Variants in LRFN5 observed in about 807,000 individuals in gnomAD.
LRFN5 encodes leucine rich repeat and fibronectin type III domain containing 5, also known as leucine-rich repeat and fibronectin type-III domain-containing protein 5.
LRFN5 carries 24 observed loss-of-function variants against 45.6 expected under a neutral mutation model. That is an observed-to-expected ratio of 0.53 (90% CI 0.38 to 0.74). The LOEUF (loss-of-function observed/expected upper bound fraction) is 0.74, where lower values mean the gene tolerates loss of function less well. Among genes scored for constraint, LRFN5 ranks in the 30% least tolerant of loss-of-function variants. The pLI is 0.00. For synonymous variants in LRFN5, 340 were observed against 313.8 expected (o/e 1.08, Z -0.88); for missense variants, 776 against 861.5 (o/e 0.90, Z 1.24).
intron 5 of LRFN5, among the ~76,000 whole-genome samples, chr14:41,902,258 A>G (rs1891125142): frequency 6.6e-6 from 1 of 151,936 alleles, no homozygotes; most frequent in African/African-American, 2.4e-5. Flanking sequence ...ACAATAACCA[A>G]AACATCCTAA....
At chr14:41,610,254 T>TCTC (rs1887693766) in intron 1 of LRFN5, 1 of 151,984 alleles carries the variant, frequency 6.6e-6, no homozygotes, top group South Asian at 2.1e-4. Flanking sequence ...AAAACCTTTC[T>TCTC]CTCTCTCTCC....
intron 1 of LRFN5, among the ~76,000 whole-genome samples, chr14:41,674,311 G>A (rs1259904839): frequency 3.0e-5 from 4 of 134,548 alleles, no homozygotes; most frequent in South Asian, 2.5e-4. Context: ...CGGACGGGGC[G>A]GCTGGCCGGG....
At chr14:41,891,984 C>T (rs1890802701) in intron 4 of LRFN5, 22 bp downstream of exon 4, 1 of 1,604,198 alleles carries the variant, frequency 6.2e-7, no homozygotes, top group Non-Finnish European at 8.5e-7. Context: ...ACTTTGCCTG[C>T]TGAGAGATCC....
At chr14:41,726,492 T>G (rs1810904110) in intron 1 of LRFN5, among the ~76,000 whole-genome samples, 1 of 152,188 alleles carries the variant, frequency 6.6e-6, no homozygotes, top group Non-Finnish European at 1.5e-5. Flanking sequence ...AAATAATGTT[T>G]ATAATGCCTG....
intron 1 of LRFN5, among the ~76,000 whole-genome samples, chr14:41,684,132 T>C (rs1594613845): frequency 6.6e-6 from 1 of 152,132 alleles, no homozygotes; most frequent in Non-Finnish European, 1.5e-5. Flanking sequence ...AACAATTTCA[T>C]ACATCTACAG....
intron 1 of LRFN5, among the ~76,000 whole-genome samples, chr14:41,673,748 G>A (rs1211438834): frequency 9.6e-5 from 14 of 145,314 alleles, no homozygotes; most frequent in Non-Finnish European, 7.6e-5. Context: ...AGGGGTGGCC[G>A]GGCAGAGGCA....
intron 2 of LRFN5, among the ~76,000 whole-genome samples, chr14:41,863,888 G>C (rs1280956928): frequency 6.7e-6 from 1 of 150,052 alleles, no homozygotes; most frequent in African/African-American, 2.5e-5. Flanking sequence ...CTGTGTCCTT[G>C]TGTTATCATT....
At position 41,883,193 on chromosome 14, in the gene LRFN5, G is replaced by A. The variant is rs182315519; in HGVS notation, c.-20-3413G>A. 8.2e-4 allele frequency among the ~76,000 whole-genome samples: 123 copies of A among 150,592 alleles called. 1 individual carries two copies. The highest frequency in any genetic ancestry group is 1.5e-3 in the Non-Finnish European group (104 of 67,808). ...CAAGGACTGCCACCTCTGGAAGTTA[G>A]ATTCTTTAAGTTTCTTTGTATTCCA... is the stretch of plus-strand genomic sequence containing the variant. On this transcript the variant is annotated intron_variant, in intron 2 of 5. Transcript: ENST00000298119.
intron 1 of LRFN5, among the ~76,000 whole-genome samples, chr14:41,747,818 G>A (rs1183699740): frequency 1.3e-5 from 2 of 151,810 alleles, no homozygotes; most frequent in African/African-American, 2.4e-5. Context: ...AACTCAACAA[G>A]AAATAAGCCA....
intron 2 of LRFN5, among the ~76,000 whole-genome samples, chr14:41,831,717 T>C (rs1888488642): frequency 6.6e-6 from 1 of 152,212 alleles, no homozygotes; most frequent in African/African-American, 2.4e-5. Context: ...AACTAGTTCA[T>C]ATGGCTCAAG....
intron 1 of LRFN5, among the ~76,000 whole-genome samples, chr14:41,704,029 CCTT>C: frequency 6.6e-6 from 1 of 152,142 alleles, no homozygotes; most frequent in South Asian, 2.1e-4. Flanking sequence ...GTCAATATGA[CCTT>C]CTATATTCTA....
At chr14:41,696,643 A>G (rs555475646) in intron 1 of LRFN5, among the ~76,000 whole-genome samples, 154 of 151,204 alleles carry the variant, frequency 1.0e-3, no homozygotes, top group African/African-American at 3.5e-3. Flanking sequence ...GGGGACCTCC[A>G]TAACATTTTC....
intron 1 of LRFN5, among the ~76,000 whole-genome samples, chr14:41,711,506 G>T (rs942924774): frequency 3.9e-5 from 6 of 152,084 alleles, no homozygotes; most frequent in African/African-American, 1.4e-4. Flanking sequence ...GAGGACATAT[G>T]TATATATCTC....
At chr14:41,657,925 A>C (rs1215318441) in intron 1 of LRFN5, among the ~76,000 whole-genome samples, 2 of 151,690 alleles carry the variant, frequency 1.3e-5, no homozygotes, top group Admixed American at 6.6e-5. Flanking sequence ...GCTTGGGAGA[A>C]AAAGAAAAAA....
At chr14:41,799,169 A>T (rs1887237593) in intron 2 of LRFN5, among the ~76,000 whole-genome samples, 1 of 152,018 alleles carries the variant, frequency 6.6e-6, no homozygotes, top group Non-Finnish European at 1.5e-5. Flanking sequence ...TAAGTGCATA[A>T]ATTGCTGGTT....
At chr14:41,881,942 A>G (rs1346831103) in intron 2 of LRFN5, among the ~76,000 whole-genome samples, 1 of 152,134 alleles carries the variant, frequency 6.6e-6, no homozygotes, top group Non-Finnish European at 1.5e-5. Context: ...GGTAATTGTA[A>G]TATCTGGGGT....
At chr14:41,670,258 T>G (rs1158772112) in intron 1 of LRFN5, among the ~76,000 whole-genome samples, 11 of 2,936 alleles carry the variant, frequency 3.7e-3, no homozygotes, top group South Asian at 0.013. Flanking sequence ...TACACACAGA[T>G]ATATATATAT....
chr14:41,750,935 C>G (rs1885105594), intron 1 of LRFN5, among the ~76,000 whole-genome samples: 1 of 152,100 alleles, frequency 6.6e-6, no homozygotes, highest in African/African-American at 2.4e-5. Context: ...AACCCATCAT[C>G]TACATTAGGT....
chr14:41,674,882 C>G (rs1324996187), intron 1 of LRFN5, among the ~76,000 whole-genome samples: 1 of 151,074 alleles, frequency 6.6e-6, no homozygotes, highest in Non-Finnish European at 1.5e-5. Context: ...CCTCGCTTCT[C>G]AGACGGAACG....
Sources: allele counts gnomAD v4.1 joint callset (sites outside exome capture counted in the v4.1 genomes callset), GRCh38; gene constraint gnomAD v4.1.1; transcripts MANE v1.5; gene names NCBI Gene and HGNC (gene_info 2026-07-23, HGNC 2026-07-21).